The following CBR4 variants were observed in gnomAD, a reference collection of about 807,000 sequenced individuals.
The protein encoded by CBR4 is 3-oxoacyl-[acyl-carrier-protein] reductase.
In CBR4, 22 loss-of-function variants were observed where a neutral mutation model predicts 21.0. That is an observed-to-expected ratio of 1.05 (90% confidence interval 0.75 to 1.50). CBR4 has a LOEUF of 1.50. Among genes scored for constraint, CBR4 ranks in the 40% most tolerant of loss-of-function variants. CBR4 has a pLI of 0.00. For missense variants in CBR4, 302 were observed against 286.3 expected, an observed-to-expected ratio of 1.05 and a Z score of -0.40; for synonymous variants, 100 against 104.4, an observed-to-expected ratio of 0.96 and a Z score of 0.26.
chr4:168,959,882 A>AG (rs1437938797), intron 2 of CBR4, among the ~76,000 whole-genome samples: 1 of 151,768 alleles, frequency 6.6e-6, no homozygotes, highest in Non-Finnish European at 1.5e-5. Context: ...ATTAAAAAAA[A>AG]AAAAAAACCT....
At chr4:168,915,096 A>G (rs929003625) in intron 2 of CBR4, among the ~76,000 whole-genome samples, 11 of 152,146 alleles carry the variant, frequency 7.2e-5, no homozygotes, top group African/African-American at 2.7e-4. Context: ...TTTTTTTCCC[A>G]TAAATTAGAT....
chr4:168,983,696 A>G (rs1764606340), downstream of CBR4, among the ~76,000 whole-genome samples: 1 of 152,168 alleles, frequency 6.6e-6, no homozygotes, highest in Admixed American at 6.5e-5. Context: ...CAGCACATGA[A>G]AAAGCTAATC....
chr4:168,927,762 TTC>T lies in CBR4; in HGVS notation n.170-32999_170-32998del, dbSNP rs1762740748. The T allele has an allele frequency of 5.4e-5, 12 of 221,242 alleles. No individual in the cohort carries two copies. The Admixed American group carries it at 6.9e-4, about 13-fold the overall frequency. 13.7% of individuals were successfully genotyped at this position (221,242 alleles called of 1,614,324 possible). A position where few individuals can be genotyped will look rare whatever the true frequency, so the allele number is the denominator to read the frequency against. On this transcript the variant is annotated intron_variant and non_coding_transcript_variant, in intron 2 of 3. Coordinates refer to the CBR4 transcript ENST00000509108. The stretch of plus-strand genomic sequence containing the variant: ...TTTTGCATCAGCTAGACTGAGTTGA[TTC>T]TGACCAGACTTGATGGTTTTAAGTC...
intron 2 of CBR4, among the ~76,000 whole-genome samples, chr4:168,977,944 C>CTAT (rs1764422525): frequency 7.0e-6 from 1 of 142,662 alleles, no homozygotes; most frequent in Non-Finnish European, 1.6e-5. Flanking sequence ...ATGGGTACTA[C>CTAT]AAACATGGGT....
chr4:168,958,805 T>C (rs181537612), intron 2 of CBR4, among the ~76,000 whole-genome samples: 5 of 152,358 alleles, frequency 3.3e-5, no homozygotes, highest in Non-Finnish European at 1.5e-5. Flanking sequence ...CTAAAGCTAC[T>C]GAGCATCTTT....
chr4:169,006,053 G>C (rs1442248731), intron 3 of CBR4: 1 of 445,302 alleles, frequency 2.2e-6, no homozygotes, highest in Non-Finnish European at 4.0e-6. Context: ...CTGCCCTGTG[G>C]GTTAGATGAA....
downstream of CBR4, among the ~76,000 whole-genome samples, chr4:168,983,425 C>G (rs909112998): frequency 2.6e-5 from 4 of 151,924 alleles, no homozygotes; most frequent in Non-Finnish European, 4.4e-5. Context: ...TAATAAAAAT[C>G]CTACCAGCTA....
At chr4:168,914,863 T>A (rs1441784897) in intron 2 of CBR4, among the ~76,000 whole-genome samples, 1 of 152,246 alleles carries the variant, frequency 6.6e-6, no homozygotes, top group Non-Finnish European at 1.5e-5. Flanking sequence ...CCACACAGAC[T>A]TTTGTTCAAC....
At chr4:168,994,963 G>A (rs1765118798) in intron 4 of CBR4, among the ~76,000 whole-genome samples, 1 of 151,958 alleles carries the variant, frequency 6.6e-6, no homozygotes. Context: ...CAGGTTGGTT[G>A]GGCTGGTCTC....
rs1764827843 is a variant in CBR4, at chr4:168,989,947, G to A, written c.*203C>T. 3 of 1,222,410 alleles carry A rather than the reference G, an allele frequency of 2.5e-6. No homozygotes were observed. The highest frequency in any genetic ancestry group is 3.1e-6 in the Non-Finnish European group (3 of 980,372). The allele number at this position is 1,222,410 out of a possible 1,614,324, so 75.7% of individuals were successfully genotyped here. On this transcript the variant is annotated 3_prime_UTR_variant, in exon 5 of 5. Transcript: ENST00000306193. ...AAGGCTTTTTAAACAAAACAACACTGATGTAACTTAGACCAAAAAAAAAAA... is the reference window on the plus strand; with the variant it reads ...AAGGCTTTTTAAACAAAACAACACTAATGTAACTTAGACCAAAAAAAAAAA...
At chr4:168,975,622 T>C (rs1764345801) in intron 2 of CBR4, among the ~76,000 whole-genome samples, 1 of 152,140 alleles carries the variant, frequency 6.6e-6, no homozygotes, top group Non-Finnish European at 1.5e-5. Context: ...CTCAGGTTTC[T>C]TGGGTAATGG....
At chr4:168,975,434 G>A (rs930362721) in intron 2 of CBR4, among the ~76,000 whole-genome samples, 7 of 152,302 alleles carry the variant, frequency 4.6e-5, no homozygotes, top group Middle Eastern at 3.4e-3. Flanking sequence ...AGTTAGCTAG[G>A]GTGTGCAGGT....
intron 2 of CBR4, chr4:168,927,048 C>CTT (rs1245275438): frequency 4.1e-5 from 9 of 219,526 alleles, no homozygotes; most frequent in Non-Finnish European, 7.3e-5. Flanking sequence ...TGGTAGGAAA[C>CTT]TTATTTACAA....
chr4:169,008,375 T>A (rs933255431), intron 1 of CBR4, among the ~76,000 whole-genome samples: 7 of 152,088 alleles, frequency 4.6e-5, no homozygotes. Flanking sequence ...TAAAAAATGG[T>A]TAAATGCCAA....
At chr4:168,999,632 C>T (rs1023019568) in intron 4 of CBR4, among the ~76,000 whole-genome samples, 3 of 135,102 alleles carry the variant, frequency 2.2e-5, no homozygotes, top group African/African-American at 8.2e-5. Flanking sequence ...AAAACCACCA[C>T]TTTCAAAAAA....
rs1385148957 is a variant in CBR4, at chr4:168,989,117, ATATT to A, written c.*1029_*1032del. The A allele has an allele frequency of 2.0e-6, 2 of 976,126 alleles. No homozygotes were observed. The highest frequency in any genetic ancestry group is 1.8e-5 in the African/African-American group (1 of 57,032). The allele number at this position is 976,126 out of a possible 1,614,324, so 60.5% of individuals were successfully genotyped here. ...AAGACATTTAATTTAATGTTATTGCATATTTATTTATTTTTTATGCTTATTCATA... is the reference window on the plus strand; with the variant it reads ...AAGACATTTAATTTAATGTTATTGCATATTTATTTTTTATGCTTATTCATA... On this transcript the variant is annotated 3_prime_UTR_variant, in exon 5 of 5. Transcript: ENST00000306193.
At chr4:168,898,447 T>C (rs1229203791) in intron 2 of CBR4, 1 of 1,240,176 alleles carries the variant, frequency 8.1e-7, no homozygotes, top group Non-Finnish European at 1.2e-6. Flanking sequence ...CGTGACACTT[T>C]GTCAGAAGGG....
chr4:168,923,917 G>A (rs1483060227), intron 2 of CBR4, among the ~76,000 whole-genome samples: 2 of 85,904 alleles, frequency 2.3e-5, no homozygotes, highest in African/African-American at 6.1e-5. Context: ...GTGAATGATC[G>A]GTAACATAAT....
At chr4:168,982,260 T>C (rs1350367000) in intron 2 of CBR4, among the ~76,000 whole-genome samples, 1 of 151,800 alleles carries the variant, frequency 6.6e-6, no homozygotes, top group East Asian at 1.9e-4. Context: ...GGAGCAGGGG[T>C]TGCTATTCTT....
Sources: gnomAD v4.1 joint callset for allele counts (sites outside exome capture counted in the v4.1 genomes callset) on GRCh38, gnomAD v4.1.1 for gene constraint, MANE v1.5 for transcripts, NCBI Gene and HGNC (gene_info 2026-07-23, HGNC 2026-07-21) for gene names.